Variants in YEATS4 observed in about 807,000 individuals in gnomAD.
YEATS4 encodes the protein YEATS domain containing 4, also known as YEATS domain-containing protein 4.
YEATS4 carries 17 observed loss-of-function variants against 30.1 expected under a neutral mutation model. The ratio of observed to expected loss-of-function variants is 0.56; its 90% CI spans 0.39 to 0.85. YEATS4 has a LOEUF of 0.85. Ranked by LOEUF, YEATS4 falls within the 40% of genes least tolerant of loss-of-function variation. The pLI is 0.00. For missense variants in YEATS4, 142 were observed against 268.3 expected (o/e 0.53, Z 3.29); for synonymous variants, 85 against 87.5 (o/e 0.97, Z 0.16).
chr12:69,406,826 T>G, the YEATS4 span, among the ~76,000 whole-genome samples: 1 of 151,276 alleles, frequency 6.6e-6, no homozygotes, highest in African/African-American at 2.5e-5. Context: ...CTTTTCTTTC[T>G]TTTTTTGAGA....
chr12:69,410,451 C>A, the YEATS4 span, among the ~76,000 whole-genome samples: 1 of 152,164 alleles, frequency 6.6e-6, no homozygotes, highest in Admixed American at 6.5e-5. Flanking sequence ...GTAACTTATT[C>A]TACACAGTTA....
the YEATS4 span, among the ~76,000 whole-genome samples, chr12:69,413,158 A>G: frequency 6.6e-6 from 1 of 152,054 alleles, no homozygotes; most frequent in Non-Finnish European, 1.5e-5. Context: ...CATGCCTACT[A>G]TCCCACCACT....
At chr12:69,397,390 G>T in the YEATS4 span, among the ~76,000 whole-genome samples, 1 of 152,118 alleles carries the variant, frequency 6.6e-6, no homozygotes, top group Non-Finnish European at 1.5e-5. Flanking sequence ...ATCTCATTTT[G>T]AATTGTAGCT....
intron 6 of YEATS4, among the ~76,000 whole-genome samples, chr12:69,380,577 G>A (rs147936508): frequency 1.3e-5 from 2 of 152,228 alleles, no homozygotes; most frequent in Admixed American, 6.5e-5. Context: ...ACTGGGTCTT[G>A]CCCAAGGCCC....
At chr12:69,392,335 A>G (rs1868322233), downstream of YEATS4, among the ~76,000 whole-genome samples, 1 of 152,244 alleles carries the variant, frequency 6.6e-6, no homozygotes. Context: ...CAATTCTTCA[A>G]AAAGTTAAGC....
chr12:69,406,757 T>G, the YEATS4 span, among the ~76,000 whole-genome samples: 1 of 152,210 alleles, frequency 6.6e-6, no homozygotes, highest in Non-Finnish European at 1.5e-5. Flanking sequence ...ATTCTATGAT[T>G]ATACCATAAT....
intron 1 of YEATS4, 30 bp downstream of exon 1, chr12:69,360,053 G>A (rs758653269): frequency 6.2e-7 from 1 of 1,607,910 alleles, no homozygotes; most frequent in South Asian, 1.1e-5. Context: ...CTCTTCCGGG[G>A]TGGCTCTCCC....
chr12:69,392,406 A>G (rs566437790), downstream of YEATS4, among the ~76,000 whole-genome samples: 1 of 152,230 alleles, frequency 6.6e-6, no homozygotes, highest in Admixed American at 6.5e-5. Flanking sequence ...AAATGAAAAC[A>G]TGTTCACACA....
At chr12:69,397,455 G>A in the YEATS4 span, among the ~76,000 whole-genome samples, 2 of 152,072 alleles carry the variant, frequency 1.3e-5, no homozygotes, top group East Asian at 3.9e-4. Context: ...TGAATCATGG[G>A]GGCTGGTTTT....
chr12:69,368,194 T>G (rs1875508658), intron 4 of YEATS4, among the ~76,000 whole-genome samples: 1 of 152,234 alleles, frequency 6.6e-6, no homozygotes, highest in Non-Finnish European at 1.5e-5. Flanking sequence ...GAAGGTTTAT[T>G]TAAAATATCT....
At position 69,390,384 on chromosome 12, in the gene YEATS4, C is replaced by T. The variant is rs891871158; in HGVS notation, c.*68C>T. ...AGGTGGGCTTCACTGGAGAAATGGACTTACTGCAAATGCTGTGATGTTTCT... is the reference window on the plus strand; with the variant it reads ...AGGTGGGCTTCACTGGAGAAATGGATTTACTGCAAATGCTGTGATGTTTCT... On this transcript the variant is annotated 3_prime_UTR_variant, in exon 7 of 7. Transcript: ENST00000247843. 1 of 1,395,944 alleles carries T rather than the reference C, an allele frequency of 7.2e-7. No homozygotes were observed. The highest frequency in any genetic ancestry group is 9.6e-7 in the Non-Finnish European group (1 of 1,045,310). 86.5% of individuals were successfully genotyped at this position (1,395,944 alleles called of 1,614,324 possible).
chr12:69,395,915 A>C, the YEATS4 span, among the ~76,000 whole-genome samples: 2 of 152,188 alleles, frequency 1.3e-5, no homozygotes, highest in Non-Finnish European at 2.9e-5. Context: ...AGTTTCATCT[A>C]TCTCCTGCCC....
chr12:69,368,130 A>G (rs149416650), intron 4 of YEATS4, among the ~76,000 whole-genome samples: 1 of 152,324 alleles, frequency 6.6e-6, no homozygotes, highest in Non-Finnish European at 1.5e-5. Flanking sequence ...GTTTTTTAGT[A>G]TTATTAAACT....
At chr12:69,410,562 G>T in the YEATS4 span, among the ~76,000 whole-genome samples, 1 of 152,158 alleles carries the variant, frequency 6.6e-6, no homozygotes, top group Non-Finnish European at 1.5e-5. Flanking sequence ...TAGTCAAAAT[G>T]ACCATTGTCA....
At chr12:69,367,918 A>G (rs1419237118) in intron 4 of YEATS4, among the ~76,000 whole-genome samples, 3 of 152,108 alleles carry the variant, frequency 2.0e-5, no homozygotes, top group Admixed American at 6.6e-5. Context: ...CTGTCTCCTC[A>G]TCTGTTACCC....
intron 6 of YEATS4, among the ~76,000 whole-genome samples, chr12:69,375,875 A>G (rs995011986): frequency 6.6e-6 from 1 of 152,024 alleles, no homozygotes; most frequent in Non-Finnish European, 1.5e-5. Flanking sequence ...TGGGCTCGGC[A>G]TCAGAGGGAG....
Position 69,374,864 on chromosome 12 carries a change from A to C in YEATS4, c.514+3889A>C, listed in dbSNP as rs1437417545. ...TCTATTCGACAAAACCGCCATCGTC[A>C]TCATGGCCCGTTCTCAATGAGCTGT... is the stretch of plus-strand genomic sequence containing the variant. On this transcript the variant is annotated intron_variant, in intron 6 of 6. Coordinates refer to ENST00000247843, the MANE Select transcript of YEATS4 (RefSeq NM_006530.4). 2.6e-5 allele frequency among the ~76,000 whole-genome samples: 4 copies of C among 152,166 alleles called. No homozygotes were observed. The East Asian group carries it at 7.7e-4, about 29-fold the overall frequency.
downstream of YEATS4, among the ~76,000 whole-genome samples, chr12:69,391,370 ACTC>A (rs1296583618): frequency 6.6e-6 from 1 of 151,944 alleles, no homozygotes; most frequent in East Asian, 1.9e-4. Context: ...TTCATGCACT[ACTC>A]CTACCCTCTC....
At chr12:69,391,676 A>C (rs554377214), downstream of YEATS4, among the ~76,000 whole-genome samples, 2 of 152,126 alleles carry the variant, frequency 1.3e-5, no homozygotes, top group Admixed American at 1.3e-4. Flanking sequence ...GGTACTTTCA[A>C]TTGTGCCAGG....
Sources: gnomAD v4.1 joint callset for allele counts (sites outside exome capture counted in the v4.1 genomes callset) on GRCh38, gnomAD v4.1.1 for gene constraint, MANE v1.5 for transcripts, NCBI Gene and HGNC (gene_info 2026-07-23, HGNC 2026-07-21) for gene names.